The following SEMA3A variants were observed in gnomAD, a reference collection of about 807,000 sequenced individuals.
The protein encoded by SEMA3A is semaphorin 3A, also known as semaphorin-3A.
In SEMA3A, 29 loss-of-function variants were observed where a neutral mutation model predicts 97.9. The ratio of observed to expected loss-of-function variants is 0.30; its 90% CI spans 0.22 to 0.40. The LOEUF is 0.40. SEMA3A is among the 10% of genes least tolerant of loss of function. SEMA3A has a pLI of 1.00. For synonymous variants in SEMA3A, 321 were observed against 323.7 expected (o/e 0.99, Z 0.09); for missense variants, 763 against 951.3 (o/e 0.80, Z 2.60).
At position 84,236,587 on chromosome 7, in the gene SEMA3A, G is replaced by GCAAATACTCT. The variant is rs1799240380; in HGVS notation, c.-82-41929_-82-41920dup. Among the ~76,000 whole-genome samples the GCAAATACTCT allele has an allele frequency of 3.9e-5, 6 of 151,984 alleles. No individual in the cohort carries two copies. The East Asian group carries it at 1.2e-3, about 29-fold the overall frequency. ...TCCATGCATAGTTTATCTTTATCTCGCAAATACTCTATTAGTCACTAATGA... is the reference window on the plus strand; with the variant it reads ...TCCATGCATAGTTTATCTTTATCTCGCAAATACTCTCAAATACTCTATTAGTCACTAATGA... On this transcript the variant is annotated intron_variant, in intron 3 of 3. Coordinates refer to the SEMA3A transcript ENST00000424555.
At chr7:84,404,299 G>A (rs1031907818) in intron 1 of SEMA3A, among the ~76,000 whole-genome samples, 1 of 152,164 alleles carries the variant, frequency 6.6e-6, no homozygotes, top group Non-Finnish European at 1.5e-5. Flanking sequence ...TATCAGCGAT[G>A]GAAGACAAAA....
chr7:84,405,971 A>T (rs530110606), intron 1 of SEMA3A, among the ~76,000 whole-genome samples: 1 of 152,310 alleles, frequency 6.6e-6, no homozygotes, highest in East Asian at 1.9e-4. Flanking sequence ...TCACACCCTA[A>T]CAACACAATT....
rs1263191411 is a variant in SEMA3A, at chr7:84,320,764, G to C, written c.-168-13472C>G. Among the ~76,000 whole-genome samples the C allele has an allele frequency of 2.0e-5, 3 of 152,190 alleles. No homozygotes were observed. In the East Asian group the frequency reaches 5.8e-4, roughly 29 times the overall value. Reference sequence around the variant, plus strand: ...GTGGGATTGTCATGATGTAGTGAGAGAGCAGGAGATTTGAAATCACATGAA... The same window carrying C: ...GTGGGATTGTCATGATGTAGTGAGACAGCAGGAGATTTGAAATCACATGAA... On this transcript the variant is annotated intron_variant, in intron 2 of 3. Coordinates refer to the SEMA3A transcript ENST00000424555.
intron 1 of SEMA3A, among the ~76,000 whole-genome samples, chr7:84,476,066 A>AT (rs1005294014): frequency 6.6e-6 from 1 of 152,090 alleles, no homozygotes; most frequent in African/African-American, 2.4e-5. Flanking sequence ...TTGTTTAAAA[A>AT]TTTTTTTTGG....
At chr7:83,968,922 T>C (rs188057574) in intron 15 of SEMA3A, among the ~76,000 whole-genome samples, 3,888 of 148,772 alleles carry the variant, frequency 0.026, 97 homozygotes, top group Middle Eastern at 0.052. Flanking sequence ...ACAATTCTCC[T>C]GCCTCAGCCT....
At chr7:84,002,401 A>G (rs1282008611) in intron 11 of SEMA3A, among the ~76,000 whole-genome samples, 1 of 152,184 alleles carries the variant, frequency 6.6e-6, no homozygotes. Flanking sequence ...TTCTAAAAAT[A>G]TCTCCTTAAT....
chr7:84,228,579 A>T (rs2116350806), intron 3 of SEMA3A, among the ~76,000 whole-genome samples: 1 of 152,240 alleles, frequency 6.6e-6, no homozygotes, highest in African/African-American at 2.4e-5. Context: ...ATAAAAATTT[A>T]TCTGTCAATT....
chr7:84,048,629 A>C (rs969008574), intron 5 of SEMA3A, among the ~76,000 whole-genome samples: 1 of 152,028 alleles, frequency 6.6e-6, no homozygotes, highest in Admixed American at 6.6e-5. Context: ...AATCGAAAAA[A>C]TTAAATTACT....
chr7:84,118,437 A>C (rs1795499183), intron 3 of SEMA3A, among the ~76,000 whole-genome samples: 1 of 152,174 alleles, frequency 6.6e-6, no homozygotes, highest in South Asian at 2.1e-4. Context: ...GCTATCAACA[A>C]AATCTGCATG....
intron 4 of SEMA3A, among the ~76,000 whole-genome samples, chr7:84,096,131 C>A (rs1414655081): frequency 6.6e-6 from 1 of 151,896 alleles, no homozygotes; most frequent in African/African-American, 2.4e-5. Flanking sequence ...CTTTCATTCC[C>A]TTTTAAACAT....
chr7:84,268,248 C>A (rs1256523020), intron 3 of SEMA3A, among the ~76,000 whole-genome samples: 1 of 106,588 alleles, frequency 9.4e-6, no homozygotes, highest in Non-Finnish European at 1.9e-5. Context: ...GAGACATAAG[C>A]ATGTGTGTGT....
At chr7:84,338,605 T>C (rs916556840) in intron 2 of SEMA3A, among the ~76,000 whole-genome samples, 3 of 152,054 alleles carry the variant, frequency 2.0e-5, no homozygotes, top group African/African-American at 4.8e-5. Context: ...TTTGAAGAAA[T>C]AGGAAGTTTG....
At chr7:84,216,940 A>G (rs1212914848) in intron 3 of SEMA3A, among the ~76,000 whole-genome samples, 4 of 152,194 alleles carry the variant, frequency 2.6e-5, no homozygotes, top group African/African-American at 9.7e-5. Context: ...GAAGACATTG[A>G]TTCACTTTCC....
At chr7:84,425,876 ACC>A (rs71825898) in intron 1 of SEMA3A, among the ~76,000 whole-genome samples, 16,441 of 81,886 alleles carry the variant, frequency 0.2, 1,113 homozygotes, top group East Asian at 0.35. Flanking sequence ...ACACACACAC[ACC>A]CACACACACA....
In SEMA3A at chr7:84,230,582, C is replaced by T. The variant is rs191549747; in HGVS notation, c.-82-35914G>A. The stretch of plus-strand genomic sequence containing the variant: ...TCAGTTATGTTAGCTCATGCGTCTC[C>T]TAGGTTTTATTTTGTTGTTAACCTA... On this transcript the variant is annotated intron_variant, in intron 3 of 3. Transcript: ENST00000424555. 4.5e-3 allele frequency among the ~76,000 whole-genome samples: 683 copies of T among 152,016 alleles called. 2 individuals are homozygous for T. Among genetic ancestry groups the T allele is most frequent in the Admixed American group, 7.9e-3 (120 of 15,218 alleles).
At chr7:84,073,358 T>G (rs1793814092) in intron 4 of SEMA3A, among the ~76,000 whole-genome samples, 2 of 151,966 alleles carry the variant, frequency 1.3e-5, no homozygotes, top group South Asian at 2.1e-4. Context: ...GGAGACAGAT[T>G]ATTCTATCTA....
chr7:84,459,659 A>T (rs1010674083), intron 1 of SEMA3A, among the ~76,000 whole-genome samples: 1 of 152,320 alleles, frequency 6.6e-6, no homozygotes, highest in Non-Finnish European at 1.5e-5. Context: ...TAAAGGTTTT[A>T]TGATTTCCTC....
intron 1 of SEMA3A, among the ~76,000 whole-genome samples, chr7:84,147,831 G>T (rs1796507683): frequency 6.6e-6 from 1 of 151,946 alleles, no homozygotes; most frequent in African/African-American, 2.4e-5. Context: ...ATTTAAATTT[G>T]TCATTTTAAA....
chr7:84,021,882 G>A (rs1470022515), intron 6 of SEMA3A, among the ~76,000 whole-genome samples: 1 of 152,040 alleles, frequency 6.6e-6, no homozygotes. Context: ...AAATGTTTAG[G>A]TTGTCAGTTA....
Sources: gnomAD v4.1 joint callset for allele counts (sites outside exome capture counted in the v4.1 genomes callset) on GRCh38, gnomAD v4.1.1 for gene constraint, MANE v1.5 for transcripts, NCBI Gene and HGNC (gene_info 2026-07-23, HGNC 2026-07-21) for gene names.